SPTSSA: variants seen among roughly 807,000 people sequenced by gnomAD.
The protein encoded by SPTSSA is small subunit of serine palmitoyltransferase A.
SPTSSA carries 8 observed loss-of-function variants against 9.1 expected under a neutral mutation model. The ratio of observed to expected loss-of-function variants is 0.88; its 90% CI spans 0.51 to 1.58. SPTSSA has a LOEUF of 1.58. Among genes scored for constraint, SPTSSA ranks in the 40% most tolerant of loss-of-function variants. SPTSSA has a pLI of 0.00. For missense variants in SPTSSA, 100 were observed against 93.8 expected (o/e 1.07, Z -0.27); for synonymous variants, 42 against 37.7 (o/e 1.11, Z -0.41).
Position 34,433,972 on chromosome 14 carries a change from AAAAC to A in SPTSSA, c.*1225_*1228del, listed in dbSNP as rs1323289286. ...GGCAAGACTCCGTCTCAAAAAAAAA[AAAAC>A]AAAAAAACAACCCAGCAACACACAT... is the stretch of plus-strand genomic sequence containing the variant. On this transcript the variant is annotated 3_prime_UTR_variant, in exon 2 of 2. Coordinates refer to ENST00000298130, the MANE Select transcript of SPTSSA (RefSeq NM_138288.4). 3.3e-5 allele frequency: 5 copies of A among 151,572 alleles called. No individual in the cohort carries two copies. The highest frequency in any genetic ancestry group is 1.2e-4 in the African/African-American group (5 of 40,918). The allele number at this position is 151,572 out of a possible 1,614,324, so 9.4% of individuals were successfully genotyped here. A position where few individuals can be genotyped will look rare whatever the true frequency, so the allele number is the denominator to read the frequency against.
chr14:34,446,156 C>T (rs541362416), intron 1 of SPTSSA, among the ~76,000 whole-genome samples: 2 of 152,276 alleles, frequency 1.3e-5, no homozygotes, highest in South Asian at 4.1e-4. Flanking sequence ...GAAAGACTGT[C>T]CTCCCCATCC....
intron 1 of SPTSSA, among the ~76,000 whole-genome samples, chr14:34,460,067 T>A (rs1366287722): frequency 6.6e-6 from 1 of 152,110 alleles, no homozygotes; most frequent in Admixed American, 6.5e-5. Context: ...GGGAAAAAAA[T>A]CCAGTTTTCT....
At chr14:34,456,435 T>C (rs1006640853) in intron 1 of SPTSSA, among the ~76,000 whole-genome samples, 28 of 152,176 alleles carry the variant, frequency 1.8e-4, no homozygotes, top group African/African-American at 6.5e-4. Flanking sequence ...AAAAATGTTT[T>C]CAAGACACAT....
rs1441738422 is a variant in SPTSSA at position 34,433,491 on chromosome 14, G to A, written c.*1710C>T. 4.6e-5 allele frequency: 7 copies of A among 152,106 alleles called. No homozygotes were observed. Among genetic ancestry groups the A allele is most frequent in the Non-Finnish European group, 7.4e-5 (5 of 67,984 alleles). 9.4% of individuals were successfully genotyped at this position (152,106 alleles called of 1,614,324 possible). A position where few individuals can be genotyped will look rare whatever the true frequency, so the allele number is the denominator to read the frequency against. On this transcript the variant is annotated 3_prime_UTR_variant, in exon 2 of 2. Transcript: ENST00000298130. ...CTTGAGATAATATGACTACAGCTCAGATATAACCATATCCAATTTTTAACT... is the reference window on the plus strand; with the variant it reads ...CTTGAGATAATATGACTACAGCTCAAATATAACCATATCCAATTTTTAACT...
chr14:34,454,016 C>A (rs918779443), intron 1 of SPTSSA, among the ~76,000 whole-genome samples: 2 of 152,132 alleles, frequency 1.3e-5, no homozygotes, highest in African/African-American at 4.8e-5. Flanking sequence ...CCTGTCTCTA[C>A]TAAAAATTTA....
chr14:34,458,227 C>T (rs867064989), intron 1 of SPTSSA, among the ~76,000 whole-genome samples: 39 of 151,996 alleles, frequency 2.6e-4, no homozygotes, highest in Middle Eastern at 6.8e-3. Context: ...TTTGAACAGG[C>T]TGTCACCTAG....
intron 1 of SPTSSA, among the ~76,000 whole-genome samples, chr14:34,439,455 T>G (rs991537964): frequency 2.0e-5 from 3 of 151,798 alleles, no homozygotes; most frequent in Non-Finnish European, 2.9e-5. Flanking sequence ...CTGGGCAACA[T>G]AGTAAGACAA....
chr14:34,443,156 TGTGTGTGTGTGTGTG>T (rs1883351678), intron 1 of SPTSSA, among the ~76,000 whole-genome samples: 6 of 104,484 alleles, frequency 5.7e-5, no homozygotes, highest in African/African-American at 2.9e-4. Context: ...TGTGTGTGTG[TGTGTGTGTGTGTGTG>T]TTTTGAGATT....
intron 1 of SPTSSA, among the ~76,000 whole-genome samples, chr14:34,454,498 G>A (rs1387318508): frequency 6.6e-6 from 1 of 152,172 alleles, no homozygotes; most frequent in Non-Finnish European, 1.5e-5. Flanking sequence ...ATATTCTAAG[G>A]AGTACAGTTA....
intron 1 of SPTSSA, among the ~76,000 whole-genome samples, chr14:34,439,037 A>C (rs916045474): frequency 6.6e-6 from 1 of 152,144 alleles, no homozygotes; most frequent in Non-Finnish European, 1.5e-5. Context: ...TTATTGAGGG[A>C]ATTTTATTTG....
intron 1 of SPTSSA, among the ~76,000 whole-genome samples, chr14:34,459,892 G>A (rs1002443076): frequency 5.9e-5 from 9 of 152,140 alleles, no homozygotes; most frequent in Non-Finnish European, 1.2e-4. Context: ...TAAATTTTAG[G>A]TTTCTAGGAT....
intron 1 of SPTSSA, among the ~76,000 whole-genome samples, chr14:34,436,248 T>G (rs1883239803): frequency 6.6e-6 from 1 of 152,196 alleles, no homozygotes; most frequent in African/African-American, 2.4e-5. Context: ...ACAATAACCT[T>G]TCTGTACCAT....
intron 1 of SPTSSA, among the ~76,000 whole-genome samples, chr14:34,457,970 G>GAAAAAAAAAAAAAAAA (rs1566427256): frequency 6.0e-5 from 5 of 83,380 alleles, no homozygotes; most frequent in African/African-American, 1.5e-4. Flanking sequence ...AGACTGTCTC[G>GAAAAAAAAAAAAAAAA]GAAAAAAAAA....
At chr14:34,445,500 CAA>C (rs748185350) in intron 1 of SPTSSA, among the ~76,000 whole-genome samples, 98 of 151,776 alleles carry the variant, frequency 6.5e-4, no homozygotes, top group Non-Finnish European at 1.0e-3. Context: ...GACTCTGTCT[CAA>C]AAAAATAAAT....
chr14:34,451,672 C>T (rs1488074240), intron 1 of SPTSSA, among the ~76,000 whole-genome samples: 1 of 146,540 alleles, frequency 6.8e-6, no homozygotes, highest in East Asian at 2.0e-4. Context: ...GCAGTGAGAT[C>T]GCGCCACTGC....
Position 34,455,761 on chromosome 14 carries a change from G to A in SPTSSA, c.112+6335C>T, listed in dbSNP as rs1276350401. Among the ~76,000 whole-genome samples the A allele has an allele frequency of 6.6e-5, 10 of 151,594 alleles. 1 individual carries two copies. The highest frequency in any genetic ancestry group is 6.6e-4 in the Admixed American group (10 of 15,200). On this transcript the variant is annotated intron_variant, in intron 1 of 1. Transcript: ENST00000298130. The stretch of plus-strand genomic sequence containing the variant: ...AGCCTGGCCAACATGGTGAAACCCC[G>A]TCTCCACTAAAAATACAAAAATTAC...
intron 1 of SPTSSA, among the ~76,000 whole-genome samples, chr14:34,459,392 A>C (rs900331812): frequency 2.3e-5 from 3 of 129,148 alleles, no homozygotes; most frequent in Non-Finnish European, 4.7e-5. Context: ...TCCGGGATGC[A>C]AAGTTGCAGT....
intron 1 of SPTSSA, among the ~76,000 whole-genome samples, chr14:34,440,096 A>G (rs1378623432): frequency 6.6e-6 from 1 of 152,198 alleles, no homozygotes; most frequent in Non-Finnish European, 1.5e-5. Context: ...GACATTACCT[A>G]TTTGTAGATG....
intron 1 of SPTSSA, among the ~76,000 whole-genome samples, chr14:34,458,599 C>T (rs1057358695): frequency 2.7e-5 from 4 of 150,252 alleles, no homozygotes; most frequent in Non-Finnish European, 4.4e-5. Flanking sequence ...TGGGTTCAAG[C>T]GATTCTCCTG....
Sources: gnomAD v4.1 joint callset for allele counts (sites outside exome capture counted in the v4.1 genomes callset) on GRCh38, gnomAD v4.1.1 for gene constraint, MANE v1.5 for transcripts, NCBI Gene and HGNC (gene_info 2026-07-23, HGNC 2026-07-21) for gene names.